ATP11B: variants seen among roughly 807,000 people sequenced by gnomAD.
The protein encoded by ATP11B is phospholipid-transporting ATPase IF.
A neutral mutation model predicts 157.8 loss-of-function variants in ATP11B; 81 were observed. The ratio of observed to expected loss-of-function variants is 0.51; its 90% CI spans 0.43 to 0.62. ATP11B has a LOEUF of 0.62. Among genes scored for constraint, ATP11B ranks in the 20% least tolerant of loss-of-function variants. The probability of loss-of-function intolerance (pLI) is 0.00; values close to 1 mark genes in which losing one functional copy is unlikely to be tolerated. For synonymous variants in ATP11B, 451 were observed against 469.4 expected (o/e 0.96, Z 0.51); for missense variants, 1,165 against 1,402.2 (o/e 0.83, Z 2.70).
In ATP11B at chr3:182,918,274, C is replaced by T. The variant is rs368118220; in HGVS notation, c.*170C>T. ...CAAACAGAAAGCATTAGTACAAGCC[C>T]CTCCCAACACCCTTAATTTGAATCT... On this transcript the variant is annotated 3_prime_UTR_variant, in exon 30 of 30. Coordinates refer to ENST00000323116, the MANE Select transcript of ATP11B (RefSeq NM_014616.3). 2 of 785,576 alleles carry T rather than the reference C, an allele frequency of 2.5e-6. No homozygotes were observed. Among genetic ancestry groups the T allele is most frequent in the East Asian group, 2.9e-5 (1 of 34,162 alleles). 48.7% of individuals were successfully genotyped at this position (785,576 alleles called of 1,614,324 possible).
intron 28 of ATP11B, among the ~76,000 whole-genome samples, chr3:182,906,702 C>T (rs1219244972): frequency 3.9e-5 from 6 of 151,958 alleles, no homozygotes; most frequent in African/African-American, 7.2e-5. Context: ...CTACCTGCCT[C>T]AGCCTCCCAA....
chr3:182,821,001 T>C (rs1455342603), intron 2 of ATP11B, among the ~76,000 whole-genome samples: 1 of 152,206 alleles, frequency 6.6e-6, no homozygotes, highest in Non-Finnish European at 1.5e-5. Flanking sequence ...TACAAAGCAG[T>C]GTTATACTGA....
rs558955788 is a variant in ATP11B, at chr3:182,901,470, T to C, written c.3318+2698T>C. ...TTTTAGAATATTTGCATTATACTTA[T>C]TGATTTAGCATCCTTAATACAAAAT... is the stretch of plus-strand genomic sequence containing the variant. On this transcript the variant is annotated intron_variant, in intron 28 of 29. Coordinates refer to ENST00000323116, the MANE Select transcript of ATP11B (RefSeq NM_014616.3). Among the ~76,000 whole-genome samples the C allele has an allele frequency of 1.5e-4, 23 of 152,292 alleles. No homozygotes were observed. The South Asian group carries it at 4.6e-3, about 30-fold the overall frequency.
intron 1 of ATP11B, among the ~76,000 whole-genome samples, chr3:182,807,290 G>A (rs1716383983): frequency 6.6e-6 from 1 of 152,072 alleles, no homozygotes; most frequent in South Asian, 2.1e-4. Context: ...ATTAGGGGAA[G>A]GAAAGTCTAG....
In ATP11B at chr3:182,871,205, G is replaced by C. The variant is rs180993939; in HGVS notation, c.1867-1151G>C. The stretch of plus-strand genomic sequence containing the variant: ...CCTAGCTACTCAGGAGGCTGAGGCA[G>C]CAGGATCACTTGAGCCCAGGAGTTC... On this transcript the variant is annotated intron_variant, in intron 17 of 29. Transcript: ENST00000323116. Among the ~76,000 whole-genome samples the C allele has an allele frequency of 9.2e-5, 14 of 152,090 alleles. No individual in the cohort carries two copies. In the East Asian group the frequency reaches 1.6e-3, roughly 17 times the overall value.
At chr3:182,850,562 A>G (rs955744963) in intron 10 of ATP11B, among the ~76,000 whole-genome samples, 1 of 152,150 alleles carries the variant, frequency 6.6e-6, no homozygotes, top group Admixed American at 6.5e-5. Flanking sequence ...AAAAAGACAA[A>G]AAATAAATAA....
At position 182,836,050 on chromosome 3, in the gene ATP11B, T is replaced by C. The variant is rs988374731; in HGVS notation, c.331T>C (p.Leu111=). Residue 111 remains leucine (L), a synonymous_variant, in exon 5 of 30, where the codon TTA becomes CTA. Coordinates refer to ENST00000323116, the MANE Select transcript of ATP11B (RefSeq NM_014616.3). ...ATATTTACAGGGATATGAAGATTGG[T>C]TACGGCATAACTCAGATAATGAAGT... ...TAIKQGYEDW[L]RHNSDNEVNG... 1.2e-6 allele frequency: 2 copies of C among 1,612,764 alleles called. No individual in the cohort carries two copies. Among genetic ancestry groups the C allele is most frequent in the Non-Finnish European group, 1.7e-6 (2 of 1,179,196 alleles).
In ATP11B at chr3:182,914,405, T is replaced by TC. The variant is rs1194045712; in HGVS notation, c.3452+412dup. 1.2e-5 allele frequency: 12 copies of TC among 986,044 alleles called. No individual in the cohort carries two copies. The South Asian group carries it at 2.8e-4, about 23-fold the overall frequency. 61.1% of individuals were successfully genotyped at this position (986,044 alleles called of 1,614,324 possible). A position where few individuals can be genotyped will look rare whatever the true frequency, so the allele number is the denominator to read the frequency against. On this transcript the variant is annotated intron_variant, in intron 29 of 29. Coordinates refer to ENST00000323116, the MANE Select transcript of ATP11B (RefSeq NM_014616.3). ...AAATAATCTCAACATAACAGTGAAG[T>TC]CAAAGGCTTTCCTTTTCTTACTCTG...
intron 15 of ATP11B, 82 bp from the exon 16 acceptor site, chr3:182,868,996 T>C (rs1721446736): frequency 4.8e-6 from 4 of 838,012 alleles, no homozygotes; most frequent in South Asian, 1.8e-5. Flanking sequence ...TTTTATCTTA[T>C]ATATGGATTA....
chr3:182,907,890 T>C (rs542960124), intron 28 of ATP11B, among the ~76,000 whole-genome samples: 1 of 152,346 alleles, frequency 6.6e-6, no homozygotes, highest in Admixed American at 6.5e-5. Flanking sequence ...ATTGGGTTCT[T>C]AGAATGTTCC....
At chr3:182,865,360 C>T (rs545531721) in intron 12 of ATP11B, 96 bp from the exon 13 acceptor site, 4 of 1,199,466 alleles carry the variant, frequency 3.3e-6, no homozygotes, top group Admixed American at 4.7e-5. Context: ...AATAGATAAA[C>T]TGGACTTCAG....
At chr3:182,908,698 C>A (rs1724559659) in intron 28 of ATP11B, among the ~76,000 whole-genome samples, 1 of 152,130 alleles carries the variant, frequency 6.6e-6, no homozygotes, top group African/African-American at 2.4e-5. Flanking sequence ...ATACCAGTTA[C>A]CCAGATTTCA....
chr3:182,911,917 A>G (rs1019000197), intron 28 of ATP11B, among the ~76,000 whole-genome samples: 1 of 152,200 alleles, frequency 6.6e-6, no homozygotes, highest in Non-Finnish European at 1.5e-5. Flanking sequence ...AGGGGTCAGC[A>G]TTCTGACCCT....
At chr3:182,796,090 C>A (rs1336932672) in intron 1 of ATP11B, among the ~76,000 whole-genome samples, 1 of 152,098 alleles carries the variant, frequency 6.6e-6, no homozygotes, top group Admixed American at 6.5e-5. Flanking sequence ...AAAAGTGTGA[C>A]TCCTTATGAC....
At chr3:182,868,758 T>G (rs373296282) in intron 15 of ATP11B, among the ~76,000 whole-genome samples, 1 of 152,216 alleles carries the variant, frequency 6.6e-6, no homozygotes, top group African/African-American at 2.4e-5. Flanking sequence ...TACCTGACTT[T>G]AGGCAAATTA....
intron 29 of ATP11B, chr3:182,915,867 AT>A (rs893339206): frequency 4.1e-6 from 4 of 967,674 alleles, no homozygotes; most frequent in South Asian, 9.6e-5. Context: ...TTTTTTCTGA[AT>A]TTTTTTATTC....
At chr3:182,808,374 A>G (rs193302359) in intron 1 of ATP11B, among the ~76,000 whole-genome samples, 136 of 152,316 alleles carry the variant, frequency 8.9e-4, no homozygotes, top group African/African-American at 3.2e-3. Flanking sequence ...TGTGGATCCA[A>G]ATCTTTATGC....
intron 7 of ATP11B, among the ~76,000 whole-genome samples, chr3:182,838,790 T>A (rs754973089): frequency 5.4e-5 from 8 of 147,432 alleles, no homozygotes; most frequent in Non-Finnish European, 1.0e-4. Context: ...ATATATTATA[T>A]ATATATATAT....
At chr3:182,810,135 C>G (rs1232847935) in intron 1 of ATP11B, among the ~76,000 whole-genome samples, 1 of 152,054 alleles carries the variant, frequency 6.6e-6, no homozygotes, top group East Asian at 1.9e-4. Flanking sequence ...AGTTCAAGAC[C>G]AGCCTGGCCA....
Sources: allele counts gnomAD v4.1 joint callset (sites outside exome capture counted in the v4.1 genomes callset), GRCh38; gene constraint gnomAD v4.1.1; transcripts MANE v1.5; gene names NCBI Gene and HGNC (gene_info 2026-07-23, HGNC 2026-07-21).